Variants in DPY19L2 observed in about 807,000 individuals in gnomAD.
DPY19L2 encodes probable C-mannosyltransferase DPY19L2.
A neutral mutation model predicts 97.9 loss-of-function variants in DPY19L2; 34 were observed. The observed-to-expected ratio is 0.35, with a 90% CI of 0.26 to 0.46. The LOEUF is 0.46. Ranked by LOEUF, DPY19L2 falls within the 20% of genes least tolerant of loss-of-function variation. The probability of loss-of-function intolerance (pLI) is 1.00; values close to 1 mark genes in which losing one functional copy is unlikely to be tolerated. For missense variants in DPY19L2, 623 were observed against 911.4 expected (o/e 0.68, Z 4.07); for synonymous variants, 230 against 307.9 (o/e 0.75, Z 2.65).
chr12:63,650,269 G>C lies in DPY19L2; in HGVS notation c.589-2904C>G, dbSNP rs1894018507. Among the ~76,000 whole-genome samples, 3 of 151,916 alleles carry C rather than the reference G, an allele frequency of 2.0e-5. No individual in the cohort carries two copies. In the South Asian group the frequency reaches 6.2e-4, roughly 32 times the overall value. On this transcript the variant is annotated intron_variant, in intron 4 of 21. Coordinates refer to ENST00000324472, the MANE Select transcript of DPY19L2 (RefSeq NM_173812.5). Reference sequence around the variant, plus strand: ...CCTTGAGAACTGGAACAACAAAAGCGTGTTTACTCTCCCCACTCCTATTCA... The same window carrying C: ...CCTTGAGAACTGGAACAACAAAAGCCTGTTTACTCTCCCCACTCCTATTCA...
chr12:63,562,107 T>C (rs897642036), intron 21 of DPY19L2, among the ~76,000 whole-genome samples: 39 of 152,252 alleles, frequency 2.6e-4, no homozygotes, highest in African/African-American at 9.4e-4. Context: ...GCAGATGTAT[T>C]AAGGCGTAAT....
intron 6 of DPY19L2, among the ~76,000 whole-genome samples, chr12:63,639,456 A>C (rs1892318654): frequency 6.6e-6 from 1 of 152,186 alleles, no homozygotes; most frequent in African/African-American, 2.4e-5. Flanking sequence ...CCCATCTGAC[A>C]AAGGGCTAAT....
At chr12:63,591,706 T>G (rs1198796825) in intron 16 of DPY19L2, among the ~76,000 whole-genome samples, 1 of 151,568 alleles carries the variant, frequency 6.6e-6, no homozygotes, top group East Asian at 1.9e-4. Context: ...ACACAAATAA[T>G]TATACCCCCT....
intron 16 of DPY19L2, among the ~76,000 whole-genome samples, chr12:63,588,243 T>C (rs1440252612): frequency 1.3e-5 from 2 of 152,308 alleles, no homozygotes; most frequent in Middle Eastern, 3.4e-3. Flanking sequence ...TATGGACTAA[T>C]GCAGCTGGTG....
chr12:63,637,538 C>T lies in DPY19L2; in HGVS notation c.803+6865G>A, dbSNP rs536058736. 3.7e-4 allele frequency among the ~76,000 whole-genome samples: 57 copies of T among 152,004 alleles called. 1 individual carries two copies. The highest frequency in any genetic ancestry group is 1.2e-3 in the African/African-American group (49 of 41,484). ...AAAATGATAAAGGGGATATCACCAC[C>T]GATTACTCAGAAATACAAACTACCA... On this transcript the variant is annotated intron_variant, in intron 6 of 21. Transcript: ENST00000324472.
Position 63,661,407 on chromosome 12 carries a change from A to G in DPY19L2, c.525T>C (p.Asn175=), listed in dbSNP as rs1895657372. Residue 175 remains asparagine, a synonymous_variant, in exon 4 of 22, where the codon AAT becomes AAC. Transcript: ENST00000324472. ...SFLEGLWMIM[N]DRLTEYPLII... is the part of the protein sequence containing the mutation. ...TAAGAGGATATTCAGTAAGCCTGTC[A>G]TTCATAATCATCCACAGTCCTTCCA... is the stretch of plus-strand genomic sequence containing the variant. 6.2e-7 allele frequency: 1 copy of G among 1,605,784 alleles called. No homozygotes were observed. Among genetic ancestry groups the G allele is most frequent in the South Asian group, 1.1e-5 (1 of 88,988 alleles).
chr12:63,574,635 A>C (rs2137312396), intron 19 of DPY19L2, among the ~76,000 whole-genome samples: 2 of 152,196 alleles, frequency 1.3e-5, no homozygotes, highest in South Asian at 2.1e-4. Context: ...GCCGATGGAA[A>C]CCATAAAAGA....
chr12:63,559,352 T>A lies in DPY19L2; in HGVS notation c.*1160A>T, dbSNP rs1565681181. The A allele has an allele frequency of 6.6e-6, 1 of 152,330 alleles. No individual in the cohort carries two copies. Among genetic ancestry groups the A allele is most frequent in the Non-Finnish European group, 1.5e-5 (1 of 68,012 alleles). The allele number at this position is 152,330 out of a possible 1,614,324, so 9.4% of individuals were successfully genotyped here. On this transcript the variant is annotated 3_prime_UTR_variant, in exon 22 of 22. Coordinates refer to ENST00000324472, the MANE Select transcript of DPY19L2 (RefSeq NM_173812.5). ...GAGGGGCAAGAACATAAGGGAATTA[T>A]AAAAACCCCAAGATGACTCATTTAA... is the stretch of plus-strand genomic sequence containing the variant.
chr12:63,658,732 C>G (rs35572631), intron 4 of DPY19L2, among the ~76,000 whole-genome samples: 26,257 of 152,008 alleles, frequency 0.17, 2,633 homozygotes, highest in Non-Finnish European at 0.23. Flanking sequence ...CTCATAAATT[C>G]TTCTTTCAGC....
chr12:63,582,657 C>G, intron 17 of DPY19L2, 132 bp from the exon 18 acceptor site: 1 of 1,054,250 alleles, frequency 9.5e-7, no homozygotes. Flanking sequence ...AGTATTCATT[C>G]AGCAATAATT....
chr12:63,623,648 A>G, intron 8 of DPY19L2: 1 of 158,520 alleles, frequency 6.3e-6, no homozygotes, highest in South Asian at 1.8e-4. Flanking sequence ...AAATAACTAA[A>G]AAATGGTCTA....
intron 6 of DPY19L2, among the ~76,000 whole-genome samples, chr12:63,626,777 G>A (rs1889622693): frequency 6.6e-6 from 1 of 152,010 alleles, no homozygotes; most frequent in African/African-American, 2.4e-5. Context: ...TACATAAGGT[G>A]TGAACATAAT....
At position 63,631,316 on chromosome 12, in the gene DPY19L2, G is replaced by A. The variant is rs182312548; in HGVS notation, c.804-4790C>T. Among the ~76,000 whole-genome samples, 974 of 152,058 alleles carry A rather than the reference G, an allele frequency of 6.4e-3. 7 individuals carry two copies. The highest frequency in any genetic ancestry group is 0.032 in the South Asian group (155 of 4,812). ...GAAAGATCAACAAAACTGATACACCGCTAGCAAGACAAAGAAGAAAAGAGA... is the reference window on the plus strand; with the variant it reads ...GAAAGATCAACAAAACTGATACACCACTAGCAAGACAAAGAAGAAAAGAGA... On this transcript the variant is annotated intron_variant, in intron 6 of 21. Coordinates refer to ENST00000324472, the MANE Select transcript of DPY19L2 (RefSeq NM_173812.5).
chr12:63,634,110 G>A (rs1891215295), intron 6 of DPY19L2, among the ~76,000 whole-genome samples: 1 of 152,030 alleles, frequency 6.6e-6, no homozygotes. Flanking sequence ...TATACCTAAT[G>A]TTAAATGATG....
Position 63,570,852 on chromosome 12 carries a change from C to T in DPY19L2, c.1906G>A (p.Val636Ile). The T allele has an allele frequency of 2.5e-6, 4 of 1,581,852 alleles. No individual in the cohort carries two copies. Among genetic ancestry groups the T allele is most frequent in the Non-Finnish European group, 3.4e-6 (4 of 1,168,680 alleles). Residue 636 changes from valine (V) to isoleucine (I), a missense_variant, in exon 20 of 22, where the codon GTC becomes ATC. Transcript: ENST00000324472. ...ATTGTAGGCATGGCACCTGCAAAGACAGCATCTGAAAAAAAAAAAAGGATA... is the reference window on the plus strand; with the variant it reads ...ATTGTAGGCATGGCACCTGCAAAGATAGCATCTGAAAAAAAAAAAAGGATA... ...WIKYSTTSDA[V>I]FAGAMPTMAS...
chr12:63,619,802 G>T lies in DPY19L2; in HGVS notation c.1053+1436C>A, dbSNP rs1592596352. On this transcript the variant is annotated intron_variant, in intron 9 of 21. Coordinates refer to ENST00000324472, the MANE Select transcript of DPY19L2 (RefSeq NM_173812.5). ...GTACAGGCGTGAGCCATCACACCCG[G>T]CCCCAAAGAGCTTCTTAGTTTCATC... 1.1e-5 allele frequency: 4 copies of T among 358,618 alleles called. No individual in the cohort carries two copies. In the Admixed American group the frequency reaches 1.4e-4, roughly 13 times the overall value. The allele number at this position is 358,618 out of a possible 1,614,324, so 22.2% of individuals were successfully genotyped here. A position where few individuals can be genotyped will look rare whatever the true frequency, so the allele number is the denominator to read the frequency against.
chr12:63,600,280 T>C (rs779101898), intron 13 of DPY19L2, 26 bp downstream of exon 13: 93 of 1,565,840 alleles, frequency 5.9e-5, no homozygotes, highest in Non-Finnish European at 1.2e-5. Flanking sequence ...ATAAGAACTT[T>C]CATGTTTTAA....
At chr12:63,573,957 A>G (rs1158967736) in intron 19 of DPY19L2, among the ~76,000 whole-genome samples, 1 of 152,152 alleles carries the variant, frequency 6.6e-6, no homozygotes, top group Non-Finnish European at 1.5e-5. Flanking sequence ...AGAAAAGGAC[A>G]TTAATGAGGA....
intron 16 of DPY19L2, among the ~76,000 whole-genome samples, chr12:63,589,356 G>GAAAAAA (rs1882429606): frequency 3.2e-4 from 2 of 6,258 alleles, no homozygotes; most frequent in Admixed American, 2.3e-3. Flanking sequence ...AAAATGTGTT[G>GAAAAAA]CAAAAAAAAA....
Sources: gnomAD v4.1 joint callset for allele counts (sites outside exome capture counted in the v4.1 genomes callset) on GRCh38, gnomAD v4.1.1 for gene constraint, MANE v1.5 for transcripts, NCBI Gene and HGNC (gene_info 2026-07-23, HGNC 2026-07-21) for gene names.